Variants in MCPH1 observed in about 807,000 individuals in gnomAD.
MCPH1 encodes the protein microcephalin.
MCPH1 carries 104 observed loss-of-function variants against 84.5 expected under a neutral mutation model. The ratio of observed to expected loss-of-function variants is 1.23; its 90% confidence interval spans 1.05 to 1.45. The LOEUF (loss-of-function observed/expected upper bound fraction) is 1.45, where lower values mean the gene tolerates loss of function less well. Among genes scored for constraint, MCPH1 ranks in the 40% most tolerant of loss-of-function variants. The pLI is 0.00. For synonymous variants in MCPH1, 514 were observed against 366.8 expected (o/e 1.40, Z -4.58); for missense variants, 1,498 against 1,005.7 (o/e 1.49, Z -6.62).
chr8:6,591,021 C>T lies in MCPH1; in HGVS notation c.2215-30433C>T, dbSNP rs142852689. On this transcript the variant is annotated intron_variant, in intron 12 of 13. Coordinates refer to ENST00000344683, the MANE Select transcript of MCPH1 (RefSeq NM_024596.5). Reference sequence around the variant, plus strand: ...GGCTCAAGTAATTCTGCCTCAGCCTCCCGAGTAGCTGGGATTGCAAGCATG... The same window carrying T: ...GGCTCAAGTAATTCTGCCTCAGCCTTCCGAGTAGCTGGGATTGCAAGCATG... Among the ~76,000 whole-genome samples the T allele has an allele frequency of 7.9e-3, 1,208 of 152,380 alleles. 23 individuals carry two copies. Among genetic ancestry groups the T allele is most frequent in the African/African-American group, 0.028 (1,172 of 41,594 alleles).
At chr8:6,596,650 C>G (rs1200723248) in intron 12 of MCPH1, among the ~76,000 whole-genome samples, 2 of 152,092 alleles carry the variant, frequency 1.3e-5, no homozygotes, top group African/African-American at 4.8e-5. Context: ...CCTGGGCTAA[C>G]AGGGGCCCAG....
intron 3 of MCPH1, among the ~76,000 whole-genome samples, chr8:6,419,755 T>C (rs528546444): frequency 6.6e-6 from 1 of 152,190 alleles, no homozygotes; most frequent in East Asian, 1.9e-4. Flanking sequence ...CACTCCAGCC[T>C]CTCAAAGTGC....
chr8:6,613,425 G>T (rs1273758501), intron 12 of MCPH1, among the ~76,000 whole-genome samples: 1 of 152,148 alleles, frequency 6.6e-6, no homozygotes, highest in Non-Finnish European at 1.5e-5. Flanking sequence ...GTCTGACGTG[G>T]AGAGAAGGGC....
intron 12 of MCPH1, among the ~76,000 whole-genome samples, chr8:6,537,719 T>G (rs1204767425): frequency 6.6e-6 from 1 of 152,110 alleles, no homozygotes; most frequent in African/African-American, 2.4e-5. Flanking sequence ...TATCTGGCTA[T>G]CTTCCTTCTC....
intron 12 of MCPH1, chr8:6,521,146 A>T: frequency 6.3e-7 from 1 of 1,577,328 alleles, no homozygotes. Flanking sequence ...AAAGGTTATT[A>T]ACGCTGAAGA....
At chr8:6,521,168 G>A in intron 12 of MCPH1, 3 of 1,605,990 alleles carry the variant, frequency 1.9e-6, no homozygotes, top group Non-Finnish European at 2.6e-6. Flanking sequence ...AGCATGATAT[G>A]TAAACTTACA....
chr8:6,413,947 G>A (rs1031948474), intron 2 of MCPH1, among the ~76,000 whole-genome samples: 2 of 152,058 alleles, frequency 1.3e-5, no homozygotes, highest in African/African-American at 4.8e-5. Context: ...TAGAGACAGG[G>A]TTTTTCCATG....
At chr8:6,568,508 C>G (rs980393715) in intron 12 of MCPH1, among the ~76,000 whole-genome samples, 7 of 152,184 alleles carry the variant, frequency 4.6e-5, no homozygotes, top group East Asian at 1.9e-4. Flanking sequence ...TAATGCTCAG[C>G]ATTTATCCAG....
Position 6,444,640 on chromosome 8 carries a change from TGC to T in MCPH1, c.919_920del (p.Ala307ArgfsTer2). The T allele has an allele frequency of 6.2e-7, 1 of 1,614,154 alleles. No homozygotes were observed. Among genetic ancestry groups the T allele is most frequent in the Non-Finnish European group, 8.5e-7 (1 of 1,180,038 alleles). ...AAGAAATAAACTTGCAAAGAAATATTGCAGGTAAAGTAGTCACCCCTGACCAA... is the reference window on the plus strand; with the variant it reads ...AAGAAATAAACTTGCAAAGAAATATTAGGTAAAGTAGTCACCCCTGACCAA... The part of the protein sequence containing the change: ...KEEINLQRNI[A>X]GKVVTPDQKQ... On this transcript the variant is annotated frameshift_variant, in exon 8 of 14. Coordinates refer to ENST00000344683, the MANE Select transcript of MCPH1 (RefSeq NM_024596.5). LOFTEE classifies it high-confidence loss of function.
In MCPH1 at chr8:6,557,712, C is replaced by CAT. The variant is rs1554452303; in HGVS notation, c.2214+57784_2214+57785insTA. On this transcript the variant is annotated intron_variant, in intron 12 of 13. Transcript: ENST00000344683. Reference sequence around the variant, plus strand: ...GTACACACACACACACACACACACACACATACATATATACAGGGAGAGATA... The same window carrying CAT: ...GTACACACACACACACACACACACACATACATACATATATACAGGGAGAGATA... Among the ~76,000 whole-genome samples, 409 of 150,662 alleles carry CAT rather than the reference C, an allele frequency of 2.7e-3. 5 individuals carry two copies. In the East Asian group the frequency reaches 0.042, roughly 15 times the overall value.
chr8:6,640,097 T>TGTGTGTGTGTGC lies in MCPH1; in HGVS notation c.2453-2896_2453-2895insTGTGTGTGTGCG, dbSNP rs1242280817. On this transcript the variant is annotated intron_variant, in intron 13 of 13. Coordinates refer to ENST00000344683, the MANE Select transcript of MCPH1 (RefSeq NM_024596.5). ...GTGTGTGTGTGTGTGTGTGTGTGTGTGCGCGCGCGTGTGTGTGTGTGTGCG... is the reference window on the plus strand; with the variant it reads ...GTGTGTGTGTGTGTGTGTGTGTGTGTGTGTGTGTGTGCGCGCGCGCGTGTGTGTGTGTGTGCG... Among the ~76,000 whole-genome samples, 24 of 131,484 alleles carry TGTGTGTGTGTGC rather than the reference T, an allele frequency of 1.8e-4. No homozygotes were observed. In the East Asian group the frequency reaches 2.2e-3, roughly 12 times the overall value. The allele number at this position is 131,484 out of a possible 152,430, so 86.3% of individuals were successfully genotyped here. A position where few individuals can be genotyped will look rare whatever the true frequency, so the allele number is the denominator to read the frequency against.
chr8:6,528,042 C>T (rs982524398), intron 12 of MCPH1, among the ~76,000 whole-genome samples: 5 of 150,806 alleles, frequency 3.3e-5, no homozygotes, highest in South Asian at 4.3e-4. Flanking sequence ...ATTACAGGTG[C>T]GTACCACCAT....
intron 12 of MCPH1, among the ~76,000 whole-genome samples, chr8:6,606,388 T>C (rs1028798021): frequency 6.6e-6 from 1 of 152,240 alleles, no homozygotes; most frequent in African/African-American, 2.4e-5. Context: ...TTGCATTTTA[T>C]ACATCTTGAA....
intron 12 of MCPH1, among the ~76,000 whole-genome samples, chr8:6,602,113 A>G (rs911692863): frequency 3.3e-5 from 5 of 152,222 alleles, no homozygotes; most frequent in African/African-American, 1.2e-4. Flanking sequence ...TCGGATTGGA[A>G]GGCAGTAGCA....
intron 12 of MCPH1, chr8:6,514,624 AG>A (rs1815876154): frequency 6.7e-7 from 1 of 1,497,268 alleles, no homozygotes; most frequent in African/African-American, 1.4e-5. Context: ...AGATCTTGAA[AG>A]CTATTTTTCA....
chr8:6,500,063 AC>A, intron 12 of MCPH1, 134 bp downstream of exon 12: 1 of 746,828 alleles, frequency 1.3e-6, no homozygotes. Context: ...CATTCACAGA[AC>A]TTAACACCTT....
At chr8:6,638,457 T>C (rs1009833315) in intron 13 of MCPH1, among the ~76,000 whole-genome samples, 29 of 152,018 alleles carry the variant, frequency 1.9e-4, no homozygotes, top group African/African-American at 6.5e-4. Flanking sequence ...CTATAAAAAA[T>C]TAATTTTGGT....
In MCPH1 at chr8:6,622,502, A is replaced by G. The variant is rs534059497; in HGVS notation, c.2452+811A>G. ...TGTGGCGGGACAAGCCTAGGGCTCCACTGTGGGGAAATCCCACACCCTCCT... is the reference window on the plus strand; with the variant it reads ...TGTGGCGGGACAAGCCTAGGGCTCCGCTGTGGGGAAATCCCACACCCTCCT... On this transcript the variant is annotated intron_variant, in intron 13 of 13. Transcript: ENST00000344683. 2.6e-3 allele frequency among the ~76,000 whole-genome samples: 402 copies of G among 152,356 alleles called. 1 individual carries two copies. Among genetic ancestry groups the G allele is most frequent in the Non-Finnish European group, 4.6e-3 (313 of 68,018 alleles).
At chr8:6,563,593 A>G (rs538070668) in intron 12 of MCPH1, among the ~76,000 whole-genome samples, 4 of 152,382 alleles carry the variant, frequency 2.6e-5, no homozygotes, top group South Asian at 4.1e-4. Flanking sequence ...TTGAAGTACA[A>G]TGAAAGTTCC....
Sources: allele counts gnomAD v4.1 joint callset (sites outside exome capture counted in the v4.1 genomes callset), GRCh38; gene constraint gnomAD v4.1.1; transcripts MANE v1.5; gene names NCBI Gene and HGNC (gene_info 2026-07-23, HGNC 2026-07-21).